Variants in NOTCH2NLC observed in about 807,000 individuals in gnomAD.
The protein encoded by NOTCH2NLC is notch homolog 2 N-terminal-like protein C.
Under a neutral mutation model 17.7 loss-of-function variants are expected in NOTCH2NLC, and 4 were observed. The ratio of observed to expected loss-of-function variants is 0.23; its 90% CI spans 0.11 to 0.52. The LOEUF is 0.52. NOTCH2NLC is among the 20% of genes least tolerant of loss of function. NOTCH2NLC has a pLI of 0.96. For synonymous variants in NOTCH2NLC, 18 were observed against 86.0 expected (o/e 0.21, Z 4.38); for missense variants, 57 against 207.2 (o/e 0.28, Z 4.45).
intron 1 of NOTCH2NLC, among the ~76,000 whole-genome samples, chr1:149,428,051 TATC>T (rs1468198944): frequency 3.2e-5 from 3 of 94,298 alleles, no homozygotes; most frequent in Admixed American, 2.4e-4. Flanking sequence ...GACGATATGT[TATC>T]ATCTAAATCA....
At chr1:149,429,933 T>A (rs1269596311) in intron 1 of NOTCH2NLC, among the ~76,000 whole-genome samples, 5 of 150,964 alleles carry the variant, frequency 3.3e-5, no homozygotes, top group Non-Finnish European at 5.9e-5. Flanking sequence ...TTCAATTTGA[T>A]ATTTATTGTT....
chr1:149,448,609 A>C (rs1392644492), intron 2 of NOTCH2NLC, among the ~76,000 whole-genome samples: 2 of 150,334 alleles, frequency 1.3e-5, no homozygotes, highest in African/African-American at 4.9e-5. Context: ...TTCTTTCTTG[A>C]ACTGCGCTCT....
chr1:149,427,353 A>G (rs2084418971), intron 1 of NOTCH2NLC, among the ~76,000 whole-genome samples: 1 of 149,434 alleles, frequency 6.7e-6, no homozygotes, highest in East Asian at 2.0e-4. Flanking sequence ...TTCTACGTAT[A>G]AGTGAGAACA....
chr1:149,463,253 C>T (rs1225119613), intron 3 of NOTCH2NLC, among the ~76,000 whole-genome samples: 3,218 of 148,446 alleles, frequency 0.022, 133 homozygotes, highest in Non-Finnish European at 0.033. Context: ...GACTAACCTA[C>T]AATTGCCTCC....
intron 1 of NOTCH2NLC, among the ~76,000 whole-genome samples, chr1:149,394,303 T>A (rs1389004261): frequency 6.7e-6 from 1 of 149,908 alleles, no homozygotes; most frequent in Non-Finnish European, 1.5e-5. Flanking sequence ...CATTTTTTTT[T>A]ACCTTCAGGT....
chr1:149,403,813 TA>T (rs1483675063), intron 1 of NOTCH2NLC, among the ~76,000 whole-genome samples: 106 of 47,194 alleles, frequency 2.2e-3, no homozygotes, highest in Non-Finnish European at 4.2e-3. Context: ...CAGTATTTTT[TA>T]GCAATAAAGT....
chr1:149,390,872 T>G lies in NOTCH2NLC; in HGVS notation c.85T>G (p.Cys29Gly). The G allele has an allele frequency of 7.0e-7, 1 of 1,436,754 alleles. No homozygotes were observed. Among genetic ancestry groups the G allele is most frequent in the Non-Finnish European group, 9.1e-7 (1 of 1,101,568 alleles). The allele number at this position is 1,436,754 out of a possible 1,614,324, so 89.0% of individuals were successfully genotyped here. Residue 29 changes from cysteine to glycine, a missense_variant, in exon 1 of 5, where the codon TGC becomes GGC. Physicochemically the swap from Cys to Gly is radical, Grantham distance 159 (BLOSUM62 -3). This residue lies in a region of NOTCH2NLC where 25 missense variants were observed against 27.0 expected (regional missense o/e 0.93). Transcript: ENST00000650865. ...DREDARPAPL[C>G]CGRCWRSGCA... is the part of the protein sequence containing the mutation. ...AGAAGATGCCCGCCCTGCGCCGCTCTGCTGTGGGCGCTGCTGGCGCTCTGG... is the reference window on the plus strand; with the variant it reads ...AGAAGATGCCCGCCCTGCGCCGCTCGGCTGTGGGCGCTGCTGGCGCTCTGG...
intron 3 of NOTCH2NLC, among the ~76,000 whole-genome samples, chr1:149,457,636 C>T (rs2084621182): frequency 2.0e-5 from 3 of 150,386 alleles, no homozygotes; most frequent in African/African-American, 7.3e-5. Flanking sequence ...CAAGGAGAGC[C>T]AGTCTTGAGT....
intron 2 of NOTCH2NLC, among the ~76,000 whole-genome samples, chr1:149,436,927 T>C (rs1441252721): frequency 8.0e-6 from 1 of 125,576 alleles, no homozygotes; most frequent in African/African-American, 3.1e-5. Flanking sequence ...AAATGTAATA[T>C]GTTCAGGTTT....
In NOTCH2NLC at chr1:149,466,086, G is replaced by A. The variant is rs1243063538; in HGVS notation, c.*1933G>A. On this transcript the variant is annotated 3_prime_UTR_variant, in exon 5 of 5. Coordinates refer to ENST00000650865, the MANE Select transcript of NOTCH2NLC (RefSeq NM_001364013.2). ...GCCTTTGCTTTGTGCATCTTACTGCGCCACATTGCACTGCACATCTGCTTC... is the reference window on the plus strand; with the variant it reads ...GCCTTTGCTTTGTGCATCTTACTGCACCACATTGCACTGCACATCTGCTTC... The A allele has an allele frequency of 1.2e-4, 8 of 68,114 alleles. No homozygotes were observed. Among genetic ancestry groups the A allele is most frequent in the Admixed American group, 8.6e-4 (5 of 5,804 alleles). The allele number at this position is 68,114 out of a possible 1,614,324, so 4.2% of individuals were successfully genotyped here.
intron 1 of NOTCH2NLC, among the ~76,000 whole-genome samples, chr1:149,418,418 TGATGATGG>T (rs2084356731): frequency 7.1e-6 from 1 of 141,076 alleles, no homozygotes; most frequent in Non-Finnish European, 1.6e-5. Flanking sequence ...TGTGATGAGG[TGATGATGG>T]GAAGGACATT....
At chr1:149,415,898 T>A (rs2101475686) in intron 1 of NOTCH2NLC, among the ~76,000 whole-genome samples, 1 of 150,764 alleles carries the variant, frequency 6.6e-6, no homozygotes, top group East Asian at 2.0e-4. Context: ...ATTTTGATAA[T>A]TTATTTATAG....
intron 2 of NOTCH2NLC, among the ~76,000 whole-genome samples, chr1:149,433,960 A>AG (rs1264894112): frequency 1.8e-4 from 26 of 147,512 alleles, no homozygotes; most frequent in Non-Finnish European, 2.3e-4. Context: ...AAAAAAAAAA[A>AG]AAAGAAAATG....
rs1158506660 is a variant in NOTCH2NLC, at chr1:149,393,069, CAAAAA to C, written c.135+2168_135+2172del. On this transcript the variant is annotated intron_variant, in intron 1 of 4. Transcript: ENST00000650865. ...TGGGCGACAGAGCGAGACTCCGTCT[CAAAAA>C]AAAAAAAAAAAAAAAAAAAAGTATT... 1.1e-3 allele frequency among the ~76,000 whole-genome samples: 46 copies of C among 43,070 alleles called. 1 individual carries two copies. The South Asian group carries it at 0.011, about 11-fold the overall frequency. The allele number at this position is 43,070 out of a possible 152,430, so 28.3% of individuals were successfully genotyped here.
chr1:149,416,617 C>A (rs1327325317), intron 1 of NOTCH2NLC, among the ~76,000 whole-genome samples: 3 of 117,284 alleles, frequency 2.6e-5, no homozygotes, highest in Non-Finnish European at 5.4e-5. Flanking sequence ...CCATCTCTAA[C>A]TCCATAATTT....
intron 1 of NOTCH2NLC, among the ~76,000 whole-genome samples, chr1:149,392,648 A>G (rs1270554987): frequency 1.1e-4 from 16 of 151,452 alleles, no homozygotes; most frequent in Non-Finnish European, 1.6e-4. Flanking sequence ...TTGGTCTATC[A>G]TTAACTTGTT....
At chr1:149,436,214 AT>A (rs1223011695) in intron 2 of NOTCH2NLC, among the ~76,000 whole-genome samples, 6 of 66,616 alleles carry the variant, frequency 9.0e-5, no homozygotes, top group Non-Finnish European at 1.5e-4. Flanking sequence ...GCATTTGAGA[AT>A]GTCCACTTTT....
At chr1:149,431,558 G>A in intron 2 of NOTCH2NLC, among the ~76,000 whole-genome samples, 2 of 118,668 alleles carry the variant, frequency 1.7e-5, no homozygotes, top group Non-Finnish European at 3.7e-5. Flanking sequence ...GTCTCAAAAA[G>A]AAATAAAAAA....
intron 1 of NOTCH2NLC, among the ~76,000 whole-genome samples, chr1:149,417,343 C>A (rs1335086552): frequency 6.6e-6 from 1 of 150,712 alleles, no homozygotes; most frequent in African/African-American, 2.4e-5. Flanking sequence ...CTCCTGACCT[C>A]GTGATCCGCC....
Sources: allele counts gnomAD v4.1 joint callset (sites outside exome capture counted in the v4.1 genomes callset), GRCh38; gene constraint gnomAD v4.1.1; regional missense constraint gnomAD v4.1.1; transcripts MANE v1.5; gene names NCBI Gene and HGNC (gene_info 2026-07-23, HGNC 2026-07-21).